The following CCNE2 variants were observed in gnomAD, a reference collection of about 807,000 sequenced individuals.
CCNE2 encodes the protein cyclin E2, also known as G1/S-specific cyclin-E2.
A neutral mutation model predicts 56.8 loss-of-function variants in CCNE2; 18 were observed. That is an observed-to-expected ratio of 0.32 (90% CI 0.22 to 0.47). CCNE2 has a LOEUF of 0.47. Among genes scored for constraint, CCNE2 ranks in the 20% least tolerant of loss-of-function variants. CCNE2 has a pLI of 1.00. For synonymous variants in CCNE2, 139 were observed against 149.2 expected, an observed-to-expected ratio of 0.93 and a Z score of 0.50; for missense variants, 371 against 467.1, an observed-to-expected ratio of 0.79 and a Z score of 1.90.
chr8:94,882,747 A>C, intron 10 of CCNE2, 34 bp downstream of exon 10: 1 of 1,399,366 alleles, frequency 7.1e-7, no homozygotes, highest in South Asian at 1.2e-5. Context: ...AGAAGTTGTG[A>C]AAAGGTAAGA....
Position 94,885,527 on chromosome 8 carries a change from G to A in CCNE2, c.632C>T (p.Ala211Val). 7 of 1,607,870 alleles carry A rather than the reference G, an allele frequency of 4.4e-6. No homozygotes were observed. Among genetic ancestry groups the A allele is most frequent in the Non-Finnish European group, 6.0e-6 (7 of 1,175,356 alleles). ...ACTGCAAGCACCATCAGTGACGTAA[G>A]CAAACTCTTGGAGTTTAGGAGCATA... ...EIYAPKLQEF[A>V]YVTDGACSEE... The change falls in exon 8 of 12, where the codon GCT (alanine) becomes GTT (valine). Residue 211 changes from alanine to valine, a missense_variant. Ala to Val is a moderately conservative substitution (Grantham distance 64, BLOSUM62 0). Coordinates refer to ENST00000308108, the MANE Select transcript of CCNE2 (RefSeq NM_057749.3).
chr8:94,882,778 T>TA lies in CCNE2; in HGVS notation c.943+2dup. The TA allele has an allele frequency of 6.3e-7, 1 of 1,597,736 alleles. No homozygotes were observed. Among genetic ancestry groups the TA allele is most frequent in the Non-Finnish European group, 8.6e-7 (1 of 1,165,146 alleles). ...TAAGAAGACAACAAATAGAGAGTCT[T>TA]ACCTGAGGCTTTCTTAACCACTTCA... On this transcript the variant is annotated splice_region_variant and intron_variant, in intron 10 of 11. Coordinates refer to ENST00000308108, the MANE Select transcript of CCNE2 (RefSeq NM_057749.3).
At chr8:94,895,672 G>C (rs939403965), upstream of CCNE2, 1 of 152,280 alleles carries the variant, frequency 6.6e-6, no homozygotes, top group Non-Finnish European at 1.5e-5. Context: ...AGGGAACCCA[G>C]GTCTTTCCTG....
At chr8:94,892,768 A>G in intron 5 of CCNE2, 50 bp downstream of exon 5, 1 of 1,076,520 alleles carries the variant, frequency 9.3e-7, no homozygotes, top group Non-Finnish European at 1.3e-6. Flanking sequence ...CATGTATTAA[A>G]TCAGCACAAC....
At chr8:94,882,079 G>T in intron 11 of CCNE2, 53 bp downstream of exon 11, 1 of 1,527,282 alleles carries the variant, frequency 6.5e-7, no homozygotes, top group Non-Finnish European at 8.9e-7. Flanking sequence ...CATCAGTTTT[G>T]GTGACTTACT....
rs1816918279 is a variant in CCNE2 at position 94,883,656 on chromosome 8, A to C, written c.832-764T>G. ...TAGGCTGATTCTTGAAGCTACTGGA[A>C]GATTTTTAAATCAAAGTTCCATTTT... On this transcript the variant is annotated intron_variant, in intron 9 of 11. Transcript: ENST00000308108. The C allele has an allele frequency of 5.0e-5, 12 of 238,804 alleles. 1 individual carries two copies. In the South Asian group the frequency reaches 5.7e-4, roughly 11 times the overall value. The allele number at this position is 238,804 out of a possible 1,614,324, so 14.8% of individuals were successfully genotyped here.
At chr8:94,888,258 A>T (rs1817105860) in intron 6 of CCNE2, among the ~76,000 whole-genome samples, 185 bp from the exon 7 acceptor site, 1 of 152,228 alleles carries the variant, frequency 6.6e-6, no homozygotes, top group Admixed American at 6.5e-5. Flanking sequence ...ATGCACATTT[A>T]CTAGTTTTAT....
chr8:94,892,194 GAT>G (rs1254312014), intron 5 of CCNE2: 3 of 422,172 alleles, frequency 7.1e-6, no homozygotes, highest in African/African-American at 4.1e-5. Context: ...TAAGGCATGT[GAT>G]CACAGTCAAG....
intron 6 of CCNE2, 97 bp downstream of exon 6, chr8:94,890,318 G>T: frequency 9.9e-7 from 1 of 1,014,626 alleles, no homozygotes; most frequent in Non-Finnish European, 1.3e-6. Flanking sequence ...TCCTGGGGAT[G>T]AACAATAAAC....
chr8:94,883,695 T>C (rs1816920207), intron 9 of CCNE2: 1 of 253,742 alleles, frequency 3.9e-6, no homozygotes, highest in South Asian at 4.3e-5. Context: ...AAAGATACCT[T>C]AGAATGCAGT....
At chr8:94,891,959 T>A in intron 5 of CCNE2, 2 of 1,080,900 alleles carry the variant, frequency 1.9e-6, no homozygotes, top group Non-Finnish European at 2.8e-6. Flanking sequence ...CATGGTCGGA[T>A]TAACTCACAC....
chr8:94,880,681 A>C lies in CCNE2; in HGVS notation c.*951T>G, dbSNP rs1816773992. The C allele has an allele frequency of 7.6e-6, 3 of 394,406 alleles. No homozygotes were observed. The highest frequency in any genetic ancestry group is 1.3e-5 in the Non-Finnish European group (3 of 223,952). 24.4% of individuals were successfully genotyped at this position (394,406 alleles called of 1,614,324 possible). Reference sequence around the variant, plus strand: ...AAGTGTTAAGCTTTATCACTTTGACACTGTCCTTATCTCACAATGGAGGAA... The same window carrying C: ...AAGTGTTAAGCTTTATCACTTTGACCCTGTCCTTATCTCACAATGGAGGAA... On this transcript the variant is annotated 3_prime_UTR_variant, in exon 12 of 12. Transcript: ENST00000308108.
At chr8:94,882,110 A>G in intron 11 of CCNE2, 22 bp downstream of exon 11, 1 of 1,587,376 alleles carries the variant, frequency 6.3e-7, no homozygotes, top group Non-Finnish European at 8.6e-7. Context: ...AGCAAAGCCA[A>G]AAAACTCACA....
In CCNE2 at chr8:94,895,177, C is replaced by T. The variant is rs1817443408; in HGVS notation, c.-27G>A. On this transcript the variant is annotated splice_region_variant and 5_prime_UTR_variant, in exon 1 of 12. Coordinates refer to ENST00000308108, the MANE Select transcript of CCNE2 (RefSeq NM_057749.3). ...CCCCCTACGCGCAGCAACTCCTCAC[C>T]GCCAGACCAGCTACCGCTCGGCTCA... 4.1e-6 allele frequency: 4 copies of T among 985,920 alleles called. No individual in the cohort carries two copies. Among genetic ancestry groups the T allele is most frequent in the Non-Finnish European group, 4.8e-6 (4 of 830,368 alleles). 61.1% of individuals were successfully genotyped at this position (985,920 alleles called of 1,614,324 possible).
At position 94,894,218 on chromosome 8, in the gene CCNE2, A is replaced by C. The variant is rs1201395161; in HGVS notation, c.4T>G (p.Ser2Ala). Residue 2 changes from serine (S) to alanine (A), a missense_variant, in exon 2 of 12, where the codon TCA becomes GCA. By Grantham distance (99) the Ser-to-Ala change is moderately conservative. Transcript: ENST00000308108. The stretch of plus-strand genomic sequence containing the variant: ...GACAGATAATGTTACCTTCGTCTTG[A>C]CATTCTCTTCTTTCAGGTGTATAAA... MSRRSSRLQAKQ... is the reference protein window; with the variant it reads MARRSSRLQAKQ... The C allele has an allele frequency of 1.2e-6, 2 of 1,614,108 alleles. No individual in the cohort carries two copies. Among genetic ancestry groups the C allele is most frequent in the Admixed American group, 1.7e-5 (1 of 60,026 alleles).
chr8:94,895,101 C>T, intron 1 of CCNE2, 76 bp downstream of exon 1: 1 of 868,126 alleles, frequency 1.2e-6, no homozygotes, highest in East Asian at 1.2e-4. Context: ...CCCTGAGGCT[C>T]CCGCCTGTGG....
rs568184902 is a variant in CCNE2 at position 94,890,351 on chromosome 8, C to A, written c.453+64G>T. 17 of 1,355,734 alleles carry A rather than the reference C, an allele frequency of 1.3e-5. No homozygotes were observed. The African/African-American group carries it at 1.3e-4, about 11-fold the overall frequency. The allele number at this position is 1,355,734 out of a possible 1,614,324, so 84.0% of individuals were successfully genotyped here. A position where few individuals can be genotyped will look rare whatever the true frequency, so the allele number is the denominator to read the frequency against. ...AACTCTTGAGAGTACATAGAAAGCA[C>A]ATTTACAGCTAAATATGTTTCCATC... On this transcript the variant is annotated intron_variant, in intron 6 of 11. Coordinates refer to ENST00000308108, the MANE Select transcript of CCNE2 (RefSeq NM_057749.3).
chr8:94,886,192 A>C (rs1817032563), intron 7 of CCNE2, among the ~76,000 whole-genome samples: 1 of 152,224 alleles, frequency 6.6e-6, no homozygotes, highest in Admixed American at 6.5e-5. Context: ...AGATTTAAGG[A>C]CAGCTTCACT....
intron 7 of CCNE2, among the ~76,000 whole-genome samples, chr8:94,887,504 C>T (rs1371545563): frequency 6.7e-6 from 1 of 149,796 alleles, no homozygotes; most frequent in Non-Finnish European, 1.5e-5. Context: ...GACTTCGTCT[C>T]GAAAAAAGAA....
Sources: gnomAD v4.1 joint callset for allele counts (sites outside exome capture counted in the v4.1 genomes callset) on GRCh38, gnomAD v4.1.1 for gene constraint, MANE v1.5 for transcripts, NCBI Gene and HGNC (gene_info 2026-07-23, HGNC 2026-07-21) for gene names.